The following SNX29 variants were observed in gnomAD, a reference collection of about 807,000 sequenced individuals.
SNX29 encodes sorting nexin-29.
In SNX29, 78 loss-of-function variants were observed where a neutral mutation model predicts 102.1. The observed-to-expected ratio is 0.76, with a 90% CI of 0.64 to 0.92. The LOEUF (loss-of-function observed/expected upper bound fraction) is 0.92. Ranked by LOEUF, SNX29 falls within the 40% of genes least tolerant of loss-of-function variation. SNX29 has a pLI of 0.00. For synonymous variants in SNX29, 580 were observed against 414.5 expected (o/e 1.40, Z -4.85); for missense variants, 1,280 against 1,061.7 (o/e 1.21, Z -2.86).
At chr16:12,387,723 C>A (rs992437612) in intron 16 of SNX29, among the ~76,000 whole-genome samples, 1 of 152,090 alleles carries the variant, frequency 6.6e-6, no homozygotes, top group South Asian at 2.1e-4. Flanking sequence ...GTCTACTTGA[C>A]CTTAAGCCAT....
chr16:12,565,519 G>A (rs955106069), intron 20 of SNX29, among the ~76,000 whole-genome samples: 1 of 152,178 alleles, frequency 6.6e-6, no homozygotes, highest in Admixed American at 6.5e-5. Context: ...ACATGGCTCT[G>A]CTCCACATGG....
intron 16 of SNX29, among the ~76,000 whole-genome samples, chr16:12,367,778 T>A (rs1241897567): frequency 6.6e-6 from 1 of 152,280 alleles, no homozygotes; most frequent in Admixed American, 6.5e-5. Context: ...GCTTTTTAAC[T>A]CAGCGCTTGG....
At chr16:12,107,600 C>T (rs1277220581) in intron 11 of SNX29, among the ~76,000 whole-genome samples, 1 of 152,126 alleles carries the variant, frequency 6.6e-6, no homozygotes, top group Non-Finnish European at 1.5e-5. Flanking sequence ...TGCGTTCCTT[C>T]ATTCCGGCCT....
At chr16:12,141,234 C>T (rs577356645) in intron 13 of SNX29, among the ~76,000 whole-genome samples, 1 of 152,330 alleles carries the variant, frequency 6.6e-6, no homozygotes, top group Admixed American at 6.5e-5. Context: ...AAGGTTTCCG[C>T]CTACATGAAT....
At chr16:12,456,437 A>G (rs969686860) in intron 18 of SNX29, among the ~76,000 whole-genome samples, 1 of 152,212 alleles carries the variant, frequency 6.6e-6, no homozygotes, top group Non-Finnish European at 1.5e-5. Flanking sequence ...GTGAAGAAGC[A>G]GAGAGAGAAT....
chr16:12,351,045 G>T (rs2081978523), intron 15 of SNX29, among the ~76,000 whole-genome samples: 1 of 152,234 alleles, frequency 6.6e-6, no homozygotes, highest in African/African-American at 2.4e-5. Context: ...CATTAAGGTG[G>T]AGGTTCAAAT....
At chr16:12,112,513 C>T (rs2053539701) in intron 11 of SNX29, among the ~76,000 whole-genome samples, 1 of 152,144 alleles carries the variant, frequency 6.6e-6, no homozygotes, top group Non-Finnish European at 1.5e-5. Context: ...GTGAGGGAAA[C>T]GCAGAAGGCA....
chr16:12,173,269 A>G (rs532120285), intron 13 of SNX29, among the ~76,000 whole-genome samples: 9 of 152,284 alleles, frequency 5.9e-5, no homozygotes, highest in South Asian at 4.1e-4. Flanking sequence ...GCTTGCAGAG[A>G]GTTACATTCG....
chr16:12,372,857 A>T (rs2082732638), intron 16 of SNX29: 1 of 152,168 alleles, frequency 6.6e-6, no homozygotes, highest in Non-Finnish European at 1.5e-5. Context: ...TCTCCATGAG[A>T]TAATGAAGTT....
chr16:12,469,753 G>A (rs183429000), intron 18 of SNX29, among the ~76,000 whole-genome samples: 1 of 152,338 alleles, frequency 6.6e-6, no homozygotes, highest in East Asian at 1.9e-4. Context: ...GCTCACGCCT[G>A]TAATCTCAGC....
intron 9 of SNX29, among the ~76,000 whole-genome samples, chr16:12,066,564 G>A (rs567179666): frequency 5.3e-5 from 8 of 152,278 alleles, no homozygotes; most frequent in East Asian, 1.9e-4. Flanking sequence ...GAGCACTGTC[G>A]TCTTCACGGA....
intron 18 of SNX29, among the ~76,000 whole-genome samples, chr16:12,426,676 AT>A (rs536390733): frequency 4.8e-4 from 73 of 152,186 alleles, no homozygotes; most frequent in African/African-American, 1.5e-3. Context: ...AAAATTATTT[AT>A]TTTTTTGAGA....
In SNX29 at chr16:12,349,028, T is replaced by C. The variant is rs530629762; in HGVS notation, c.1783-7135T>C. Among the ~76,000 whole-genome samples, 17 of 152,330 alleles carry C rather than the reference T, an allele frequency of 1.1e-4. 1 individual carries two copies. Among genetic ancestry groups the C allele is most frequent in the East Asian group, 9.6e-4 (5 of 5,184 alleles). On this transcript the variant is annotated intron_variant, in intron 15 of 20. Transcript: ENST00000566228. Reference sequence around the variant, plus strand: ...TTCCTCAGCTTGTTTAAAAGTCTTGTGGCCTCCCGGTAGAGGAGCAGAGAG... The same window carrying C: ...TTCCTCAGCTTGTTTAAAAGTCTTGCGGCCTCCCGGTAGAGGAGCAGAGAG...
chr16:12,036,970 A>G (rs2057493932), intron 4 of SNX29, among the ~76,000 whole-genome samples: 1 of 151,862 alleles, frequency 6.6e-6, no homozygotes, highest in Admixed American at 6.6e-5. Flanking sequence ...CCTTCTCCCA[A>G]ATCTGTCTCC....
intron 12 of SNX29, among the ~76,000 whole-genome samples, chr16:12,128,214 G>A (rs1351146363): frequency 6.6e-6 from 1 of 152,224 alleles, no homozygotes; most frequent in East Asian, 1.9e-4. Context: ...CCATGCTCCA[G>A]CTGGGGCTGT....
rs890071650 is a variant in SNX29 at position 12,547,884 on chromosome 16, G to C, written c.2319-20622G>C. Among the ~76,000 whole-genome samples, 3 of 152,164 alleles carry C rather than the reference G, an allele frequency of 2.0e-5. No homozygotes were observed. In the East Asian group the frequency reaches 5.8e-4, roughly 29 times the overall value. The stretch of plus-strand genomic sequence containing the variant: ...AAATGAGCCACTTCCTTCAGCAGCA[G>C]TTCTAGGGCTGTATAGGAGCTGCTC... On this transcript the variant is annotated intron_variant, in intron 20 of 20. Transcript: ENST00000566228.
In SNX29 at chr16:12,558,622, C is replaced by T. The variant is rs573177300; in HGVS notation, c.2319-9884C>T. ...GCCACAGCTGCTCACACAGTGCAGG[C>T]CCCGAGCTTAAAAGAAACCTATTCT... is the stretch of plus-strand genomic sequence containing the variant. On this transcript the variant is annotated intron_variant, in intron 20 of 20. Coordinates refer to ENST00000566228, the MANE Select transcript of SNX29 (RefSeq NM_032167.5). 3.3e-5 allele frequency among the ~76,000 whole-genome samples: 5 copies of T among 152,322 alleles called. No individual in the cohort carries two copies. In the East Asian group the frequency reaches 5.8e-4, roughly 18 times the overall value.
At chr16:12,002,116 G>T (rs1236752562) in intron 2 of SNX29, among the ~76,000 whole-genome samples, 1 of 151,714 alleles carries the variant, frequency 6.6e-6, no homozygotes, top group Non-Finnish European at 1.5e-5. Flanking sequence ...AAATGGCAAT[G>T]TTTATGTTAT....
chr16:12,553,342 A>G (rs145388120), intron 20 of SNX29, among the ~76,000 whole-genome samples: 2,336 of 152,296 alleles, frequency 0.015, 54 homozygotes, highest in African/African-American at 0.053. Context: ...AGGCAGAGAA[A>G]CCAGCTCGTC....
Sources: allele counts gnomAD v4.1 joint callset (sites outside exome capture counted in the v4.1 genomes callset), GRCh38; gene constraint gnomAD v4.1.1; transcripts MANE v1.5; gene names NCBI Gene and HGNC (gene_info 2026-07-23, HGNC 2026-07-21).